DLG2: variants seen among roughly 807,000 people sequenced by gnomAD.
The protein encoded by DLG2 is disks large homolog 2.
In DLG2, 45 loss-of-function variants were observed where a neutral mutation model predicts 132.5. The ratio of observed to expected loss-of-function variants is 0.34; its 90% CI spans 0.27 to 0.44. The LOEUF (loss-of-function observed/expected upper bound fraction) is 0.44, where lower values mean the gene tolerates loss of function less well. DLG2 is among the 20% of genes least tolerant of loss of function. The probability of loss-of-function intolerance (pLI) is 1.00; values close to 1 mark genes in which losing one functional copy is unlikely to be tolerated. For synonymous variants in DLG2, 424 were observed against 419.6 expected, an observed-to-expected ratio of 1.01 and a Z score of -0.13; for missense variants, 1,045 against 1,196.9, an observed-to-expected ratio of 0.87 and a Z score of 1.87.
intron 16 of DLG2, among the ~76,000 whole-genome samples, chr11:83,834,957 T>A (rs984492146): frequency 2.6e-5 from 4 of 152,224 alleles, no homozygotes; most frequent in African/African-American, 9.6e-5. Flanking sequence ...GAAAGAGCCA[T>A]CCCATGTATT....
chr11:84,447,547 G>C (rs566893736), intron 7 of DLG2, among the ~76,000 whole-genome samples: 1 of 152,214 alleles, frequency 6.6e-6, no homozygotes, highest in African/African-American at 2.4e-5. Context: ...TTGCAAACTT[G>C]TAAAAATATT....
intron 6 of DLG2, among the ~76,000 whole-genome samples, chr11:84,550,890 T>C (rs1388308425): frequency 2.0e-5 from 3 of 152,196 alleles, no homozygotes; most frequent in African/African-American, 7.2e-5. Context: ...AATCCAGCTC[T>C]TTGAGCTCCC....
chr11:84,035,663 T>C (rs1480929045), intron 11 of DLG2, among the ~76,000 whole-genome samples: 2 of 152,200 alleles, frequency 1.3e-5, no homozygotes, highest in Admixed American at 6.6e-5. Context: ...AGCTAGTAGA[T>C]AGTTTGCAGC....
chr11:83,651,155 C>T (rs1016639168), intron 18 of DLG2, among the ~76,000 whole-genome samples: 1 of 151,898 alleles, frequency 6.6e-6, no homozygotes, highest in Non-Finnish European at 1.5e-5. Context: ...GCTCTTAGTA[C>T]AAGTAAGTAC....
At chr11:83,504,959 G>A in intron 21 of DLG2, among the ~76,000 whole-genome samples, 1 of 136,944 alleles carries the variant, frequency 7.3e-6, no homozygotes, top group South Asian at 2.3e-4. Flanking sequence ...AGTAAGACCA[G>A]TGAATTCCAT....
intron 7 of DLG2, among the ~76,000 whole-genome samples, chr11:84,518,074 C>CCTATTATACAGCATATTAACAAT (rs201027115): frequency 7.8e-5 from 11 of 141,606 alleles, no homozygotes; most frequent in South Asian, 2.4e-4. Flanking sequence ...TTTCAAGAGA[C>CCTATTATACAGCATATTAACAAT]ATCATCACTC....
chr11:84,276,719 C>A (rs978329580), intron 7 of DLG2, among the ~76,000 whole-genome samples: 2 of 152,188 alleles, frequency 1.3e-5, no homozygotes, highest in Admixed American at 1.3e-4. Flanking sequence ...CTAACTTAGA[C>A]TGCAGACCTC....
chr11:85,362,246 T>A (rs965854381), intron 3 of DLG2, among the ~76,000 whole-genome samples: 1 of 152,210 alleles, frequency 6.6e-6, no homozygotes, highest in Non-Finnish European at 1.5e-5. Flanking sequence ...TAAGCTATCA[T>A]GCCCAGCCTC....
At chr11:85,100,000 C>T (rs567235005) in intron 6 of DLG2, among the ~76,000 whole-genome samples, 19 of 152,234 alleles carry the variant, frequency 1.2e-4, no homozygotes, top group Middle Eastern at 3.4e-3. Flanking sequence ...GTAGCCAAAA[C>T]CAAACGTACC....
chr11:83,542,260 T>C (rs2096093611), intron 19 of DLG2, among the ~76,000 whole-genome samples: 1 of 152,182 alleles, frequency 6.6e-6, no homozygotes, highest in African/African-American at 2.4e-5. Flanking sequence ...TATTTCTAAA[T>C]GAAGCATTTT....
chr11:83,709,585 G>A (rs1436439186), intron 18 of DLG2, among the ~76,000 whole-genome samples: 1 of 152,050 alleles, frequency 6.6e-6, no homozygotes, highest in Non-Finnish European at 1.5e-5. Flanking sequence ...GTGATGCTTA[G>A]TGGCTGAGTG....
At chr11:83,575,345 G>T (rs1486605203) in intron 19 of DLG2, among the ~76,000 whole-genome samples, 1 of 152,144 alleles carries the variant, frequency 6.6e-6, no homozygotes, top group Non-Finnish European at 1.5e-5. Flanking sequence ...ATCAAGCAGG[G>T]ACAAAGAACC....
chr11:84,506,364 C>A (rs2099241021), intron 7 of DLG2, among the ~76,000 whole-genome samples: 1 of 151,724 alleles, frequency 6.6e-6, no homozygotes, highest in African/African-American at 2.4e-5. Context: ...CGTGAGCCAC[C>A]GCGCCCGGCC....
chr11:85,116,411 A>C (rs182872666), intron 5 of DLG2, among the ~76,000 whole-genome samples: 16 of 152,060 alleles, frequency 1.1e-4, no homozygotes, highest in Non-Finnish European at 2.2e-4. Flanking sequence ...TATAATATAT[A>C]TCTATATTTG....
At chr11:84,204,570 T>C (rs964193947) in intron 8 of DLG2, among the ~76,000 whole-genome samples, 3 of 152,092 alleles carry the variant, frequency 2.0e-5, no homozygotes, top group Non-Finnish European at 4.4e-5. Context: ...AAATTACTAA[T>C]GGTGGACTTA....
At chr11:83,686,816 G>A (rs1020656513) in intron 18 of DLG2, among the ~76,000 whole-genome samples, 2 of 152,110 alleles carry the variant, frequency 1.3e-5, no homozygotes, top group Admixed American at 1.3e-4. Flanking sequence ...CCAGAGATTG[G>A]TCAATGTTGT....
chr11:84,769,603 G>A (rs190928772), intron 6 of DLG2, among the ~76,000 whole-genome samples: 3 of 152,146 alleles, frequency 2.0e-5, no homozygotes, highest in Admixed American at 6.5e-5. Context: ...AGAGGTAGAC[G>A]ACATTTAGAT....
intron 8 of DLG2, among the ~76,000 whole-genome samples, chr11:84,185,926 T>C (rs114185758): frequency 0.026 from 3,959 of 152,266 alleles, 179 homozygotes; most frequent in African/African-American, 0.09. Flanking sequence ...TAAAGGATTG[T>C]TTTTCTGGAT....
chr11:84,582,221 T>C (rs1442228617), intron 6 of DLG2, among the ~76,000 whole-genome samples: 1 of 151,520 alleles, frequency 6.6e-6, no homozygotes, highest in African/African-American at 2.4e-5. Flanking sequence ...TAATAAAAAT[T>C]ATACTTTAGA....
Sources: gnomAD v4.1 joint callset for allele counts (sites outside exome capture counted in the v4.1 genomes callset) on GRCh38, gnomAD v4.1.1 for gene constraint, MANE v1.5 for transcripts, NCBI Gene and HGNC (gene_info 2026-07-23, HGNC 2026-07-21) for gene names.